TMEM40: variants seen among roughly 807,000 people sequenced by gnomAD.
The protein encoded by TMEM40 is transmembrane protein 40.
Under a neutral mutation model 40.8 loss-of-function variants are expected in TMEM40, and 34 were observed. The observed-to-expected ratio is 0.83, with a 90% confidence interval of 0.63 to 1.11. The LOEUF (loss-of-function observed/expected upper bound fraction) is 1.11. TMEM40 is among the 50% of genes least tolerant of loss of function. The pLI, the probability that TMEM40 is intolerant of heterozygous loss-of-function variation, is 0.00. For synonymous variants in TMEM40, 106 were observed against 107.0 expected, an observed-to-expected ratio of 0.99 and a Z score of 0.06; for missense variants, 296 against 280.2, an observed-to-expected ratio of 1.06 and a Z score of -0.40.
At chr3:12,762,977 G>A (rs2061579313), upstream of TMEM40, among the ~76,000 whole-genome samples, 1 of 152,006 alleles carries the variant, frequency 6.6e-6, no homozygotes, top group African/African-American at 2.4e-5. Context: ...GGCTAACACA[G>A]TGAAACCCCC....
intron 1 of TMEM40, among the ~76,000 whole-genome samples, chr3:12,750,453 C>A (rs1350937850): frequency 6.6e-6 from 1 of 152,160 alleles, no homozygotes; most frequent in African/African-American, 2.4e-5. Flanking sequence ...AAAGAAGTTT[C>A]TTTTAATGGA....
At chr3:12,756,031 T>C (rs955822797) in intron 1 of TMEM40, among the ~76,000 whole-genome samples, 3 of 152,152 alleles carry the variant, frequency 2.0e-5, no homozygotes, top group African/African-American at 7.2e-5. Context: ...TTTAGCTGCA[T>C]TACCACATTG....
At chr3:12,749,047 C>T (rs1004713455) in intron 2 of TMEM40, among the ~76,000 whole-genome samples, 2 of 151,404 alleles carry the variant, frequency 1.3e-5, no homozygotes, top group African/African-American at 2.4e-5. Flanking sequence ...TTTTTTGAGA[C>T]GGAGTCTTGC....
chr3:12,737,611 G>T, intron 8 of TMEM40, 96 bp downstream of exon 8: 2 of 1,120,238 alleles, frequency 1.8e-6, no homozygotes, highest in South Asian at 2.5e-5. Context: ...ACAGAGGTGG[G>T]CTATGATTAC....
chr3:12,738,264 T>C (rs2061353034), intron 6 of TMEM40, 96 bp from the exon 7 acceptor site: 3 of 1,406,132 alleles, frequency 2.1e-6, no homozygotes, highest in Non-Finnish European at 3.0e-6. Flanking sequence ...CCTAAAAAAA[T>C]GTCCCCATGG....
chr3:12,734,676 C>T lies in TMEM40; in HGVS notation c.*98G>A. 7.1e-7 allele frequency: 1 copy of T among 1,401,660 alleles called. No homozygotes were observed. The highest frequency in any genetic ancestry group is 2.5e-5 in the East Asian group (1 of 40,108). 86.8% of individuals were successfully genotyped at this position (1,401,660 alleles called of 1,614,324 possible). A position where few individuals can be genotyped will look rare whatever the true frequency, so the allele number is the denominator to read the frequency against. ...CTGTTTATTGGTCTGGCTTGGTCTCCTGTGCGTCTCTCAGAATGCTGCTCT... is the reference window on the plus strand; with the variant it reads ...CTGTTTATTGGTCTGGCTTGGTCTCTTGTGCGTCTCTCAGAATGCTGCTCT... On this transcript the variant is annotated 3_prime_UTR_variant, in exon 12 of 12. Coordinates refer to ENST00000314124, the MANE Select transcript of TMEM40 (RefSeq NM_018306.4).
At chr3:12,736,506 T>G (rs2061338338) in intron 10 of TMEM40, 72 bp downstream of exon 10, 1 of 1,516,074 alleles carries the variant, frequency 6.6e-7, no homozygotes, top group Non-Finnish European at 9.0e-7. Flanking sequence ...TGAATGAGTA[T>G]GAAAATGAAT....
At chr3:12,741,767 CAAAAAA>C (rs59665318) in intron 5 of TMEM40, among the ~76,000 whole-genome samples, 1 of 125,632 alleles carries the variant, frequency 8.0e-6, no homozygotes, top group Non-Finnish European at 1.7e-5. Context: ...GTTTTTGTAA[CAAAAAA>C]AAAAAAAAAA....
rs145629176 is a variant in TMEM40 at position 12,746,816 on chromosome 3, A to T, written c.211+1839T>A. ...GGAGACTCCAGGGTGTCTGGGTGCC[A>T]GGGATTATGGTCACATGGGGGACAT... On this transcript the variant is annotated intron_variant, in intron 3 of 11. Coordinates refer to ENST00000314124, the MANE Select transcript of TMEM40 (RefSeq NM_018306.4). Among the ~76,000 whole-genome samples the T allele has an allele frequency of 3.7e-3, 556 of 152,288 alleles. 1 individual carries two copies. Among genetic ancestry groups the T allele is most frequent in the African/African-American group, 0.012 (504 of 41,550 alleles).
intron 1 of TMEM40, among the ~76,000 whole-genome samples, chr3:12,765,125 G>A (rs1485800756): frequency 6.6e-6 from 1 of 152,070 alleles, no homozygotes; most frequent in East Asian, 1.9e-4. Flanking sequence ...CTAAAGTGCT[G>A]GGATTACAGG....
intron 3 of TMEM40, among the ~76,000 whole-genome samples, chr3:12,744,479 GTCTTGCCTT>G (rs2061411134): frequency 6.6e-6 from 1 of 152,268 alleles, no homozygotes; most frequent in South Asian, 2.1e-4. Context: ...GCTCACACTG[GTCTTGCCTT>G]TCCCTGCTGG....
In TMEM40 at chr3:12,738,621, C is replaced by T. The variant is rs1459658731; in HGVS notation, c.356-33G>A. 4 of 1,604,940 alleles carry T rather than the reference C, an allele frequency of 2.5e-6. No homozygotes were observed. The Admixed American group carries it at 6.7e-5, about 27-fold the overall frequency. ...GAAAGGAAATCAGTGATCATATACC[C>T]ATGATCCTCTGGGGGGGGAGAAGTC... On this transcript the variant is annotated intron_variant, in intron 5 of 11. Coordinates refer to ENST00000314124, the MANE Select transcript of TMEM40 (RefSeq NM_018306.4).
chr3:12,736,332 T>A (rs954613841), intron 10 of TMEM40, among the ~76,000 whole-genome samples: 6 of 152,042 alleles, frequency 3.9e-5, no homozygotes, highest in Non-Finnish European at 5.9e-5. Context: ...GTATTTTTAG[T>A]AGAGACAGAG....
rs1386592009 is a variant in TMEM40, at chr3:12,749,958, A to G, written c.-8-118T>C. ...ACTCAACATTCAAAGGAATAAGAAA[A>G]ATAATTAACAAAAAAAATGGTAGTT... On this transcript the variant is annotated intron_variant, in intron 1 of 11. Transcript: ENST00000314124. 23 of 1,006,164 alleles carry G rather than the reference A, an allele frequency of 2.3e-5. No individual in the cohort carries two copies. In the East Asian group the frequency reaches 2.3e-4, roughly 10 times the overall value. The allele number at this position is 1,006,164 out of a possible 1,614,324, so 62.3% of individuals were successfully genotyped here.
At chr3:12,766,487 C>A (rs558961332) in intron 1 of TMEM40, among the ~76,000 whole-genome samples, 4 of 150,658 alleles carry the variant, frequency 2.7e-5, no homozygotes, top group African/African-American at 9.8e-5. Context: ...CCCAGCTACT[C>A]GGGGGGCTGA....
chr3:12,752,685 C>T (rs1264631204), intron 1 of TMEM40, among the ~76,000 whole-genome samples: 1 of 151,930 alleles, frequency 6.6e-6, no homozygotes, highest in Non-Finnish European at 1.5e-5. Flanking sequence ...GTAATCCCAG[C>T]TACTCAGGAG....
At chr3:12,758,654 C>T (rs1281918964) in intron 1 of TMEM40, among the ~76,000 whole-genome samples, 1 of 152,214 alleles carries the variant, frequency 6.6e-6, no homozygotes, top group East Asian at 1.9e-4. Context: ...GGACGGCTGA[C>T]TTCTTCCTTC....
Position 12,734,661 on chromosome 3 carries a change from G to T in TMEM40, c.*113C>A. The T allele has an allele frequency of 8.2e-7, 1 of 1,214,494 alleles. No individual in the cohort carries two copies. Among genetic ancestry groups the T allele is most frequent in the Non-Finnish European group, 1.2e-6 (1 of 856,054 alleles). 75.2% of individuals were successfully genotyped at this position (1,214,494 alleles called of 1,614,324 possible). On this transcript the variant is annotated 3_prime_UTR_variant, in exon 12 of 12. Transcript: ENST00000314124. ...GGAAGGAAAAGTGTTCTGTTTATTGGTCTGGCTTGGTCTCCTGTGCGTCTC... is the reference window on the plus strand; with the variant it reads ...GGAAGGAAAAGTGTTCTGTTTATTGTTCTGGCTTGGTCTCCTGTGCGTCTC...
In TMEM40 at chr3:12,734,939, T is replaced by C. The variant is rs375525939; in HGVS notation, c.683-146A>G. The C allele has an allele frequency of 7.4e-5, 61 of 825,662 alleles. 4 individuals carry two copies. Among genetic ancestry groups the C allele is most frequent in the Admixed American group, 1.4e-4 (6 of 41,398 alleles). The allele number at this position is 825,662 out of a possible 1,614,324, so 51.1% of individuals were successfully genotyped here. A position where few individuals can be genotyped will look rare whatever the true frequency, so the allele number is the denominator to read the frequency against. ...CATGGGTCTCAATGAACCACAGTCA[T>C]AATAGCTAGTTTTCTTTTTCTTCAT... is the stretch of plus-strand genomic sequence containing the variant. On this transcript the variant is annotated intron_variant, in intron 11 of 11. Coordinates refer to ENST00000314124, the MANE Select transcript of TMEM40 (RefSeq NM_018306.4).
Sources: allele counts gnomAD v4.1 joint callset (sites outside exome capture counted in the v4.1 genomes callset), GRCh38; gene constraint gnomAD v4.1.1; transcripts MANE v1.5; gene names NCBI Gene and HGNC (gene_info 2026-07-23, HGNC 2026-07-21).